Variants in RALGAPA1 observed in about 807,000 individuals in gnomAD.
RALGAPA1 encodes Ral GTPase activating protein catalytic subunit alpha 1, also known as ral GTPase-activating protein subunit alpha-1.
RALGAPA1 carries 52 observed loss-of-function variants against 269.6 expected under a neutral mutation model. The observed-to-expected ratio is 0.19, with a 90% confidence interval of 0.15 to 0.24. RALGAPA1 has a LOEUF of 0.24. Among genes scored for constraint, RALGAPA1 ranks in the 10% least tolerant of loss-of-function variants. The pLI is 1.00. For synonymous variants in RALGAPA1, 817 were observed against 1,008.3 expected (o/e 0.81, Z 3.60); for missense variants, 1,917 against 3,013.9 (o/e 0.64, Z 8.52).
At chr14:35,762,393 G>A (rs956838737) in intron 5 of RALGAPA1, among the ~76,000 whole-genome samples, 1 of 152,052 alleles carries the variant, frequency 6.6e-6, no homozygotes, top group African/African-American at 2.4e-5. Context: ...GTAGCTGTGA[G>A]TACAGGCACG....
At position 35,750,605 on chromosome 14, in the gene RALGAPA1, C is replaced by T. The variant is rs533344464; in HGVS notation, c.888G>A (p.Glu296=). ...ETNEAIYCTK[E]PFIKARVIVI... is the part of the protein sequence containing the mutation. ...CAATAACACGAGCCTTAATGAAAGGCTCCTTTGTACAATAGATTGCTTCAT... is the reference window on the plus strand; with the variant it reads ...CAATAACACGAGCCTTAATGAAAGGTTCCTTTGTACAATAGATTGCTTCAT... Residue 296 remains glutamate (E), a synonymous_variant, in exon 9 of 42, where the codon GAG becomes GAA. Coordinates refer to ENST00000680220, the MANE Select transcript of RALGAPA1 (RefSeq NM_001346249.2). 11 of 1,613,358 alleles carry T rather than the reference C, an allele frequency of 6.8e-6. No individual in the cohort carries two copies. Among genetic ancestry groups the T allele is most frequent in the South Asian group, 1.1e-5 (1 of 91,054 alleles).
chr14:35,593,048 AGAAAAAGT>A (rs2138962990), intron 37 of RALGAPA1, among the ~76,000 whole-genome samples: 1 of 152,350 alleles, frequency 6.6e-6, no homozygotes, highest in South Asian at 2.1e-4. Context: ...AAATCAGAAC[AGAAAAAGT>A]GAAATTATCT....
intron 6 of RALGAPA1, among the ~76,000 whole-genome samples, chr14:35,760,164 T>C (rs1409213478): frequency 6.6e-6 from 1 of 152,142 alleles, no homozygotes; most frequent in Non-Finnish European, 1.5e-5. Context: ...ATGTAATAAT[T>C]AATGAAAAAT....
intron 21 of RALGAPA1, among the ~76,000 whole-genome samples, chr14:35,682,024 A>C (rs1372996645): frequency 6.6e-6 from 1 of 152,238 alleles, no homozygotes; most frequent in Non-Finnish European, 1.5e-5. Flanking sequence ...AATATTCAAT[A>C]AATGAATATA....
At chr14:35,544,936 A>G (rs2054316422) in intron 41 of RALGAPA1, among the ~76,000 whole-genome samples, 1 of 152,126 alleles carries the variant, frequency 6.6e-6, no homozygotes, top group Admixed American at 6.5e-5. Context: ...AATCCCAGCT[A>G]CTTGAGAGGC....
chr14:35,771,885 T>A (rs550518241), intron 3 of RALGAPA1, among the ~76,000 whole-genome samples: 6 of 152,344 alleles, frequency 3.9e-5, no homozygotes, highest in African/African-American at 1.4e-4. Context: ...TTCAATTCTT[T>A]CAGATATTAA....
chr14:35,714,539 C>G (rs898231199), intron 16 of RALGAPA1, among the ~76,000 whole-genome samples: 15 of 152,224 alleles, frequency 9.9e-5, no homozygotes, highest in Admixed American at 8.5e-4. Context: ...TCTACCTCAC[C>G]CTGAACAAGA....
At chr14:35,566,480 T>C (rs1228443149) in intron 39 of RALGAPA1, among the ~76,000 whole-genome samples, 1 of 152,170 alleles carries the variant, frequency 6.6e-6, no homozygotes, top group Non-Finnish European at 1.5e-5. Flanking sequence ...AGTACAATTA[T>C]CCAAATATAA....
At chr14:35,679,754 A>AT (rs1161276743) in intron 21 of RALGAPA1, among the ~76,000 whole-genome samples, 1 of 151,964 alleles carries the variant, frequency 6.6e-6, no homozygotes, top group Non-Finnish European at 1.5e-5. Context: ...TCATACAGGC[A>AT]TTTTTTTTAA....
intron 1 of RALGAPA1, among the ~76,000 whole-genome samples, chr14:35,807,166 C>T (rs2077435695): frequency 6.6e-6 from 1 of 152,166 alleles, no homozygotes. Context: ...GTGTCATTAC[C>T]TAACCTACAG....
At chr14:35,780,288 A>C (rs1437232711) in intron 1 of RALGAPA1, among the ~76,000 whole-genome samples, 1 of 152,242 alleles carries the variant, frequency 6.6e-6, no homozygotes, top group Non-Finnish European at 1.5e-5. Flanking sequence ...ATGGTAATTT[A>C]AGAGTCAACA....
intron 22 of RALGAPA1, chr14:35,676,246 T>C (rs941141246): frequency 6.6e-6 from 1 of 152,072 alleles, no homozygotes; most frequent in African/African-American, 2.4e-5. Flanking sequence ...TCTCACTCTG[T>C]TACCCAGGTT....
At chr14:35,696,900 A>G (rs1382726877) in intron 17 of RALGAPA1, among the ~76,000 whole-genome samples, 2 of 152,186 alleles carry the variant, frequency 1.3e-5, no homozygotes, top group Non-Finnish European at 2.9e-5. Flanking sequence ...TCACTTTCTT[A>G]TTAATTCTCT....
intron 21 of RALGAPA1, among the ~76,000 whole-genome samples, chr14:35,679,567 C>G (rs1156962843): frequency 2.6e-5 from 4 of 152,198 alleles, no homozygotes; most frequent in African/African-American, 9.6e-5. Context: ...TTACTGACTA[C>G]TGTACTGAAA....
chr14:35,715,533 C>G (rs770314747), intron 16 of RALGAPA1, among the ~76,000 whole-genome samples: 1 of 151,980 alleles, frequency 6.6e-6, no homozygotes, highest in Non-Finnish European at 1.5e-5. Context: ...TAAATTTTCT[C>G]TCTCTTTTTT....
intron 11 of RALGAPA1, 100 bp downstream of exon 11, chr14:35,742,262 TATCTTC>T: frequency 1.1e-6 from 1 of 878,920 alleles, no homozygotes; most frequent in Non-Finnish European, 1.8e-6. Flanking sequence ...AAGATATCTT[TATCTTC>T]CCATTTAATA....
intron 37 of RALGAPA1, among the ~76,000 whole-genome samples, chr14:35,582,271 A>T (rs888338880): frequency 1.3e-5 from 2 of 152,230 alleles, no homozygotes; most frequent in East Asian, 1.9e-4. Flanking sequence ...TTGAAAATTT[A>T]AAAAAGTTCT....
intron 21 of RALGAPA1, 82 bp downstream of exon 21, chr14:35,683,727 T>C (rs1335881155): frequency 3.6e-6 from 4 of 1,098,642 alleles, no homozygotes; most frequent in Non-Finnish European, 5.1e-6. Flanking sequence ...AAGTAATACT[T>C]AAAATCTCTC....
intron 1 of RALGAPA1, among the ~76,000 whole-genome samples, chr14:35,789,334 C>T (rs1031977933): frequency 6.6e-6 from 1 of 151,876 alleles, no homozygotes; most frequent in Admixed American, 6.6e-5. Context: ...TGGCTCAGGC[C>T]TATAATCCCA....
Sources: allele counts gnomAD v4.1 joint callset (sites outside exome capture counted in the v4.1 genomes callset), GRCh38; gene constraint gnomAD v4.1.1; transcripts MANE v1.5; gene names NCBI Gene and HGNC (gene_info 2026-07-23, HGNC 2026-07-21).